PLA2G3: variants seen among roughly 807,000 people sequenced by gnomAD.
The protein encoded by PLA2G3 is group 3 secretory phospholipase A2.
A neutral mutation model predicts 51.3 loss-of-function variants in PLA2G3; 39 were observed. That is an observed-to-expected ratio of 0.76 (90% confidence interval 0.59 to 0.99). PLA2G3 has a LOEUF of 0.99. PLA2G3 is among the 50% of genes least tolerant of loss of function. The pLI, the probability that PLA2G3 is intolerant of heterozygous loss-of-function variation, is 0.00. For synonymous variants in PLA2G3, 293 were observed against 263.1 expected, an observed-to-expected ratio of 1.11 and a Z score of -1.10; for missense variants, 677 against 662.1, an observed-to-expected ratio of 1.02 and a Z score of -0.25.
chr22:31,138,251 G>C, intron 3 of PLA2G3, 25 bp downstream of exon 3: 6 of 1,610,136 alleles, frequency 3.7e-6, no homozygotes, highest in South Asian at 1.1e-5. Flanking sequence ...TGTCTGGAAA[G>C]GGACATGAGG....
Position 31,136,696 on chromosome 22 carries a change from C to T in PLA2G3, c.1303G>A (p.Val435Met), listed in dbSNP as rs1394431027. 2 of 1,613,250 alleles carry T rather than the reference C, an allele frequency of 1.2e-6. No individual in the cohort carries two copies. Among genetic ancestry groups the T allele is most frequent in the Non-Finnish European group, 1.7e-6 (2 of 1,179,700 alleles). The change falls in exon 6 of 7, where the codon GTG becomes ATG. Residue 435 changes from valine (V) to methionine (M), a missense_variant. Transcript: ENST00000215885. ...GACATCACTTACTTTTTGCCTTCCA[C>T]ACAGTCCAGTGGAGGGGCCAGCTTG... ...CFKLAPPLDCVEGKNCSRDPR... is the reference protein window; with the variant it reads ...CFKLAPPLDCMEGKNCSRDPR...
intron 6 of PLA2G3, 125 bp from the exon 7 acceptor site, chr22:31,136,061 G>C (rs900024831): frequency 3.7e-5 from 28 of 746,970 alleles, no homozygotes; most frequent in Non-Finnish European, 5.0e-5. Context: ...AAGGCAGAGA[G>C]GGGTGGGTTT....
rs1922610379 is a variant in PLA2G3, at chr22:31,136,994, A to G, written c.1113T>C (p.Cys371=). ...TTTCCCGGGGCCCAATCTGGTGCTC[A>G]CACTGGTCCAGGTGGCGGCGGAAGC... ...CRSFRRHLDQ[C]EHQIGPREIE... The change falls in exon 5 of 7, where the codon TGT becomes TGC. Residue 371 remains cysteine, a synonymous_variant. Coordinates refer to ENST00000215885, the MANE Select transcript of PLA2G3 (RefSeq NM_015715.5). 2 of 1,565,334 alleles carry G rather than the reference A, an allele frequency of 1.3e-6. No individual in the cohort carries two copies. The highest frequency in any genetic ancestry group is 1.7e-6 in the Non-Finnish European group (2 of 1,155,464).
At chr22:31,137,365 C>T (rs1448685918) in intron 4 of PLA2G3, among the ~76,000 whole-genome samples, 3 of 152,170 alleles carry the variant, frequency 2.0e-5, no homozygotes, top group Admixed American at 2.0e-4. Context: ...GTGCAAAGGC[C>T]TCACGGTAGG....
rs1476362399 is a variant in PLA2G3 at position 31,137,768 on chromosome 22, G to A, written c.1008C>T (p.Pro336=). The change falls in exon 4 of 7, where the codon CCC becomes CCT. Residue 336 remains proline (P), a synonymous_variant. Transcript: ENST00000215885. ...GGCCTGTGGGGGCCACATCAAGCCT[G>A]GGAGAGACCATAGGGTCCTGGAGGG... ...TTALQDPMVS[P]RLDVAPTGLQ... is the part of the protein sequence containing the mutation. 4 of 1,613,766 alleles carry A rather than the reference G, an allele frequency of 2.5e-6. No homozygotes were observed. Among genetic ancestry groups the A allele is most frequent in the Admixed American group, 3.3e-5 (2 of 60,002 alleles).
chr22:31,137,707 C>T lies in PLA2G3; in HGVS notation c.1066+3G>A, dbSNP rs1922656465. The T allele has an allele frequency of 6.3e-7, 1 of 1,597,274 alleles. No homozygotes were observed. Among genetic ancestry groups the T allele is most frequent in the Non-Finnish European group, 8.5e-7 (1 of 1,174,446 alleles). On this transcript the variant is annotated splice_donor_region_variant and intron_variant, in intron 4 of 6. Transcript: ENST00000215885. ...AACCCCCAAGGTTAGGTTCTGAGCT[C>T]ACCCTGAGGTTTTAGGCCACCCTGT...
chr22:31,136,757 G>A lies in PLA2G3; in HGVS notation c.1242C>T (p.Thr414=). 5 of 1,613,492 alleles carry A rather than the reference G, an allele frequency of 3.1e-6. No homozygotes were observed. The highest frequency in any genetic ancestry group is 4.2e-6 in the Non-Finnish European group (5 of 1,179,806). ...TGCCCAGCAGCTCCCAAAGCATGTT[G>A]GTAACCTCGGGTGGGCTGTGGAGCC... The part of the protein sequence containing the change: ...FLRLHSPPEV[T]NMLWELLGTT... Residue 414 remains threonine, a synonymous_variant, in exon 6 of 7, where the codon ACC becomes ACT. Coordinates refer to ENST00000215885, the MANE Select transcript of PLA2G3 (RefSeq NM_015715.5).
chr22:31,138,424 G>A lies in PLA2G3; in HGVS notation c.648-14C>T. 2 of 1,613,472 alleles carry A rather than the reference G, an allele frequency of 1.2e-6. No homozygotes were observed. Among genetic ancestry groups the A allele is most frequent in the Non-Finnish European group, 1.7e-6 (2 of 1,179,708 alleles). On this transcript the variant is annotated splice_polypyrimidine_tract_variant and intron_variant, in intron 2 of 6. Coordinates refer to ENST00000215885, the MANE Select transcript of PLA2G3 (RefSeq NM_015715.5). ...CATTGCTGAAACCTGCCCCAGAACAGATACCCAGGACCCTGGGGCATGGAG... is the reference window on the plus strand; with the variant it reads ...CATTGCTGAAACCTGCCCCAGAACAAATACCCAGGACCCTGGGGCATGGAG...
Position 31,138,805 on chromosome 22 carries a change from G to A in PLA2G3, c.515-6C>T, listed in dbSNP as rs1407278030. On this transcript the variant is annotated splice_region_variant and splice_polypyrimidine_tract_variant and intron_variant, in intron 1 of 6. Coordinates refer to ENST00000215885, the MANE Select transcript of PLA2G3 (RefSeq NM_015715.5). ...ATCAGGTCCCTGGAAGACCCCTGCAGGGAGGGGAGGGGAGAGGGCACCAAC... is the reference window on the plus strand; with the variant it reads ...ATCAGGTCCCTGGAAGACCCCTGCAAGGAGGGGAGGGGAGAGGGCACCAAC... 1 of 1,613,598 alleles carries A rather than the reference G, an allele frequency of 6.2e-7. No homozygotes were observed. Among genetic ancestry groups the A allele is most frequent in the African/African-American group, 1.3e-5 (1 of 75,034 alleles).
rs1239804726 is a variant in PLA2G3 at position 31,136,785 on chromosome 22, A to G, written c.1214T>C (p.Leu405Pro). The G allele has an allele frequency of 1.9e-6, 3 of 1,611,946 alleles. No individual in the cohort carries two copies. Among genetic ancestry groups the G allele is most frequent in the Non-Finnish European group, 2.5e-6 (3 of 1,179,238 alleles). The stretch of plus-strand genomic sequence containing the variant: ...AACCTCGGGTGGGCTGTGGAGCCTC[A>G]GGAAGCGTGCCAGACTGAGAACAGA... ...CNCTRRLARFLRLHSPPEVTN... is the reference protein window; with the variant it reads ...CNCTRRLARFPRLHSPPEVTN... Residue 405 changes from leucine to proline, a missense_variant, in exon 6 of 7, where the codon CTG (leucine) becomes CCG (proline). Transcript: ENST00000215885.
intron 2 of PLA2G3, 74 bp downstream of exon 2, chr22:31,138,593 A>G (rs1215298845): frequency 6.3e-7 from 1 of 1,576,926 alleles, no homozygotes; most frequent in Non-Finnish European, 8.7e-7. Flanking sequence ...CTGCAATCCC[A>G]ATGTCTAGTT....
Position 31,139,986 on chromosome 22 carries a change from C to T in PLA2G3, c.369G>A (p.Glu123=), listed in dbSNP as rs1447285287. 6.2e-7 allele frequency: 1 copy of T among 1,613,970 alleles called. No individual in the cohort carries two copies. Residue 123 remains glutamate, a synonymous_variant, in exon 1 of 7, where the codon GAG becomes GAA. Transcript: ENST00000215885. ...SQWEACRALE[E]SPAGARKKRA... is the part of the protein sequence containing the mutation. Reference sequence around the variant, plus strand: ...GCTTCTTCCTGGCCCCTGCTGGACTCTCCTCAAGCGCTCGGCATGCCTCCC... The same window carrying T: ...GCTTCTTCCTGGCCCCTGCTGGACTTTCCTCAAGCGCTCGGCATGCCTCCC...
intron 1 of PLA2G3, 42 bp downstream of exon 1, chr22:31,139,798 TC>T: frequency 7.0e-7 from 1 of 1,429,462 alleles, no homozygotes; most frequent in Non-Finnish European, 9.7e-7. Flanking sequence ...AAACCTTGCT[TC>T]CCCGATCGGA....
intron 4 of PLA2G3, among the ~76,000 whole-genome samples, chr22:31,137,437 G>T (rs777110174): frequency 4.6e-5 from 7 of 152,178 alleles, no homozygotes; most frequent in African/African-American, 9.7e-5. Context: ...TTGACTGGGG[G>T]TAGGGTCTGC....
At position 31,139,925 on chromosome 22, in the gene PLA2G3, G is replaced by A. The variant is rs1922795390; in HGVS notation, c.430C>T (p.His144Tyr). Residue 144 changes from histidine (H) to tyrosine (Y), a missense_variant, in exon 1 of 7, where the codon CAC becomes TAC. Physicochemically the swap from His to Tyr is moderately conservative, Grantham distance 83. Coordinates refer to ENST00000215885, the MANE Select transcript of PLA2G3 (RefSeq NM_015715.5). ...AGQSGVPGGG[H>Y]QREKRGWTMP... ...GTCCATCCTCTCTTCTCTCGCTGGTGCCCTCCACCAGGGACTCCACTCTGC... is the reference window on the plus strand; with the variant it reads ...GTCCATCCTCTCTTCTCTCGCTGGTACCCTCCACCAGGGACTCCACTCTGC... 24 of 1,613,786 alleles carry A rather than the reference G, an allele frequency of 1.5e-5. No homozygotes were observed. The highest frequency in any genetic ancestry group is 2.0e-5 in the Non-Finnish European group (24 of 1,179,970).
rs778165121 is a variant in PLA2G3, at chr22:31,135,713, G to C, written c.*10C>G. 1 of 1,609,866 alleles carries C rather than the reference G, an allele frequency of 6.2e-7. No homozygotes were observed. The highest frequency in any genetic ancestry group is 1.1e-5 in the South Asian group (1 of 90,970). On this transcript the variant is annotated 3_prime_UTR_variant, in exon 7 of 7. Coordinates refer to ENST00000215885, the MANE Select transcript of PLA2G3 (RefSeq NM_015715.5). ...GTCCAGGCTGGTGCCCAGGAAAGCT[G>C]AAACTGAGGTCACTGGCTCCAGGAC...
intron 4 of PLA2G3, 69 bp from the exon 5 acceptor site, chr22:31,137,109 C>T: frequency 7.2e-7 from 1 of 1,391,340 alleles, no homozygotes; most frequent in Non-Finnish European, 9.6e-7. Flanking sequence ...CCTGCGCCAT[C>T]CGGGAGAAAC....
intron 3 of PLA2G3, 111 bp downstream of exon 3, chr22:31,138,165 G>A (rs1210013572): frequency 1.1e-5 from 15 of 1,420,746 alleles, no homozygotes; most frequent in South Asian, 3.9e-5. Flanking sequence ...GGACATGCAG[G>A]ATGGGACATC....
rs200739911 is a variant in PLA2G3 at position 31,136,819 on chromosome 22, C to G, written c.1200-20G>C. ...GCCAGACTGAGAACAGAGGCAGGCT[C>G]AGGCCGGGGCAGGGCCTTGCCAGCC... On this transcript the variant is annotated intron_variant, in intron 5 of 6. Transcript: ENST00000215885. 6.2e-7 allele frequency: 1 copy of G among 1,604,364 alleles called. No homozygotes were observed. Among genetic ancestry groups the G allele is most frequent in the East Asian group, 2.2e-5 (1 of 44,752 alleles).
Sources: gnomAD v4.1 joint callset for allele counts (sites outside exome capture counted in the v4.1 genomes callset) on GRCh38, gnomAD v4.1.1 for gene constraint, MANE v1.5 for transcripts, NCBI Gene and HGNC (gene_info 2026-07-23, HGNC 2026-07-21) for gene names.